Variants in NDUFA9 observed in about 807,000 individuals in gnomAD.
NDUFA9 encodes the protein NADH dehydrogenase [ubiquinone] 1 alpha subcomplex subunit 9, mitochondrial.
In NDUFA9, 23 loss-of-function variants were observed where a neutral mutation model predicts 45.9. That is an observed-to-expected ratio of 0.50 (90% CI 0.36 to 0.71). The LOEUF (loss-of-function observed/expected upper bound fraction) is 0.71. Ranked by LOEUF, NDUFA9 falls within the 30% of genes least tolerant of loss-of-function variation. The pLI is 0.00. For missense variants in NDUFA9, 466 were observed against 488.2 expected, an observed-to-expected ratio of 0.95 and a Z score of 0.43; for synonymous variants, 176 against 170.5, an observed-to-expected ratio of 1.03 and a Z score of -0.25.
chr12:4,673,116 C>G (rs566480521), intron 8 of NDUFA9, among the ~76,000 whole-genome samples: 1 of 152,260 alleles, frequency 6.6e-6, no homozygotes, highest in Non-Finnish European at 1.5e-5. Context: ...TCCAGCAGAC[C>G]TGCAGCAGAG....
rs187881504 is a variant in NDUFA9, at chr12:4,654,717, T to C, written c.221-108T>C. The C allele has an allele frequency of 1.6e-5, 16 of 1,010,452 alleles. No individual in the cohort carries two copies. The East Asian group carries it at 3.3e-4, about 21-fold the overall frequency. 62.6% of individuals were successfully genotyped at this position (1,010,452 alleles called of 1,614,324 possible). A position where few individuals can be genotyped will look rare whatever the true frequency, so the allele number is the denominator to read the frequency against. On this transcript the variant is annotated intron_variant, in intron 2 of 10. Coordinates refer to ENST00000266544, the MANE Select transcript of NDUFA9 (RefSeq NM_005002.5). ...AAAATATTCTTTTTGTCAAATATAATATCAATTCACATACCATACTAGAAT... is the reference window on the plus strand; with the variant it reads ...AAAATATTCTTTTTGTCAAATATAACATCAATTCACATACCATACTAGAAT...
In NDUFA9 at chr12:4,680,565, A is replaced by G. The variant is rs1945946175; in HGVS notation, c.801-1640A>G. On this transcript the variant is annotated intron_variant, in intron 8 of 10. Transcript: ENST00000266544. Reference sequence around the variant, plus strand: ...TTCAGAACAGCTGAAAAGGAAACCTATTATGTAGAGTTAGTTAACCCATGA... The same window carrying G: ...TTCAGAACAGCTGAAAAGGAAACCTGTTATGTAGAGTTAGTTAACCCATGA... 3.3e-5 allele frequency among the ~76,000 whole-genome samples: 5 copies of G among 152,296 alleles called. No individual in the cohort carries two copies. In the South Asian group the frequency reaches 8.3e-4, roughly 25 times the overall value.
intron 7 of NDUFA9, among the ~76,000 whole-genome samples, chr12:4,668,948 T>G (rs1945869901): frequency 6.6e-6 from 1 of 152,168 alleles, no homozygotes; most frequent in Non-Finnish European, 1.5e-5. Flanking sequence ...AGGAAGGGCA[T>G]TTAGGGTAAA....
chr12:4,650,505 C>T (rs1323889255), intron 1 of NDUFA9, among the ~76,000 whole-genome samples: 2 of 152,174 alleles, frequency 1.3e-5, no homozygotes, highest in Non-Finnish European at 2.9e-5. Context: ...CTGACTGACA[C>T]CATAGCTTGT....
chr12:4,650,841 A>G (rs931352754), intron 1 of NDUFA9, among the ~76,000 whole-genome samples: 3 of 152,190 alleles, frequency 2.0e-5, no homozygotes, highest in Non-Finnish European at 4.4e-5. Flanking sequence ...TTCAAGAGGC[A>G]GTGAAATGAC....
intron 10 of NDUFA9, among the ~76,000 whole-genome samples, chr12:4,685,977 A>G (rs1469630766): frequency 3.9e-5 from 6 of 152,260 alleles, no homozygotes; most frequent in Admixed American, 1.3e-4. Flanking sequence ...CCTGAAAGCT[A>G]AAGTGTAGAG....
rs1945799878 is a variant in NDUFA9, at chr12:4,657,812, A to G, written c.383A>G (p.Asn128Ser). 4.3e-6 allele frequency: 7 copies of G among 1,613,602 alleles called. No homozygotes were observed. In the East Asian group the frequency reaches 6.7e-5, roughly 15 times the overall value. The change falls in exon 4 of 11, where the codon AAT (asparagine) becomes AGT (serine). Residue 128 changes from asparagine (N) to serine (S), a missense_variant. Asn to Ser is a conservative substitution (Grantham distance 46). Transcript: ENST00000266544. ...GTACAACACAGCAATGTGGTCATCA[A>G]TCTTATTGGACGAGACTGGGAAACC... Reference protein sequence around the residue: ...RVVQHSNVVINLIGRDWETKN... With the variant: ...RVVQHSNVVISLIGRDWETKN...
intron 8 of NDUFA9, among the ~76,000 whole-genome samples, chr12:4,674,300 T>C (rs774079500): frequency 9.2e-5 from 14 of 152,136 alleles, no homozygotes; most frequent in Non-Finnish European, 1.8e-4. Context: ...AATGGCAGGA[T>C]CAAATTCACA....
intron 8 of NDUFA9, among the ~76,000 whole-genome samples, chr12:4,681,818 A>G (rs1035277828): frequency 1.3e-5 from 2 of 151,994 alleles, no homozygotes; most frequent in African/African-American, 4.8e-5. Context: ...AAAAAATTTT[A>G]ATAGCATAAA....
intron 9 of NDUFA9, among the ~76,000 whole-genome samples, chr12:4,684,240 C>A (rs1591551025): frequency 6.6e-6 from 1 of 152,168 alleles, no homozygotes; most frequent in Non-Finnish European, 1.5e-5. Context: ...TTCCAGCCAG[C>A]TTCCTTTTTC....
chr12:4,662,599 T>C lies in NDUFA9; in HGVS notation c.619T>C (p.Phe207Leu), dbSNP rs1182468208. ...CATTATCGTAAAGCCGTCGGACATC[T>C]TTGGAAGAGAGGATAGATTCCTTAA... ...EAIIVKPSDI[F>L]GREDRFLNSF... is the part of the protein sequence containing the mutation. The change falls in exon 6 of 11, where the codon TTT becomes CTT. Residue 207 changes from phenylalanine to leucine, a missense_variant. Physicochemically the swap from Phe to Leu is conservative, Grantham distance 22. Transcript: ENST00000266544. The C allele has an allele frequency of 8.7e-6, 14 of 1,613,818 alleles. No individual in the cohort carries two copies. Among genetic ancestry groups the C allele is most frequent in the African/African-American group, 1.3e-5 (1 of 74,936 alleles).
At chr12:4,666,562 A>G (rs1026880449) in intron 6 of NDUFA9, among the ~76,000 whole-genome samples, 6 of 152,088 alleles carry the variant, frequency 3.9e-5, no homozygotes, top group Non-Finnish European at 7.4e-5. Context: ...TAGTTTTTGT[A>G]TATGGTATGA....
chr12:4,682,198 T>C lies in NDUFA9; in HGVS notation c.801-7T>C. 1 of 1,598,596 alleles carries C rather than the reference T, an allele frequency of 6.3e-7. No individual in the cohort carries two copies. The highest frequency in any genetic ancestry group is 8.6e-7 in the Non-Finnish European group (1 of 1,168,874). ...AATTGAAAGAACTGTGTATTGTCTT[T>C]TTATAGTCCCAGTCGGTACCTCCTT... On this transcript the variant is annotated splice_region_variant and splice_polypyrimidine_tract_variant and intron_variant, in intron 8 of 10. Coordinates refer to ENST00000266544, the MANE Select transcript of NDUFA9 (RefSeq NM_005002.5).
chr12:4,654,830 A>T lies in NDUFA9; in HGVS notation c.226A>T (p.Met76Leu). 2 of 1,611,376 alleles carry T rather than the reference A, an allele frequency of 1.2e-6. 1 individual carries two copies. The highest frequency in any genetic ancestry group is 3.3e-4 in the Middle Eastern group (2 of 6,004). Residue 76 changes from methionine (M) to leucine (L), a missense_variant, in exon 3 of 11, where the codon ATG (methionine) becomes TTG (leucine). Transcript: ENST00000266544. The part of the protein sequence containing the change: ...GRYVVNHLGR[M>L]GSQVIIPYRC... ...TTCAATCCATTCTCTTTTAGGACGCATGGGGTCACAGGTAATCATACCCTA... is the reference window on the plus strand; with the variant it reads ...TTCAATCCATTCTCTTTTAGGACGCTTGGGGTCACAGGTAATCATACCCTA...
intron 8 of NDUFA9, 77 bp from the exon 9 acceptor site, chr12:4,682,128 G>A (rs926273882): frequency 2.7e-6 from 3 of 1,120,414 alleles, no homozygotes; most frequent in Admixed American, 4.2e-5. Context: ...TTTTTTATAA[G>A]GAAAATGTTA....
At chr12:4,659,001 G>A in intron 4 of NDUFA9, 35 bp from the exon 5 acceptor site, 1 of 1,595,790 alleles carries the variant, frequency 6.3e-7, no homozygotes, top group Non-Finnish European at 8.6e-7. Context: ...TGTGTGTGGA[G>A]TTCTTAACCA....
In NDUFA9 at chr12:4,662,516, G is replaced by A. The variant is rs2267549; in HGVS notation, c.553-17G>A. 695,123 of 1,596,844 alleles carry A rather than the reference G, an allele frequency of 0.44. 155,366 individuals carry two copies. Among genetic ancestry groups the A allele is most frequent in the Admixed American group, 0.55 (32,726 of 59,900 alleles). On this transcript the variant is annotated splice_polypyrimidine_tract_variant and intron_variant, in intron 5 of 10. Transcript: ENST00000266544. ...TTGTCTCTAAACTCAAAACAGGTTT[G>A]TTTGGTTATTGTTTAGGCTGTTGGA...
At chr12:4,662,119 C>G (rs1367087720) in intron 5 of NDUFA9, among the ~76,000 whole-genome samples, 1 of 152,220 alleles carries the variant, frequency 6.6e-6, no homozygotes, top group African/African-American at 2.4e-5. Context: ...TATCCCCAAC[C>G]TCCTTTGGAT....
intron 8 of NDUFA9, among the ~76,000 whole-genome samples, chr12:4,672,447 C>T (rs1034019226): frequency 6.6e-6 from 1 of 152,210 alleles, no homozygotes; most frequent in African/African-American, 2.4e-5. Flanking sequence ...TCAGCGGGTC[C>T]CACCCCCACA....
Sources: gnomAD v4.1 joint callset for allele counts (sites outside exome capture counted in the v4.1 genomes callset) on GRCh38, gnomAD v4.1.1 for gene constraint, MANE v1.5 for transcripts, NCBI Gene and HGNC (gene_info 2026-07-23, HGNC 2026-07-21) for gene names.